Variants in CHP1 observed in about 807,000 individuals in gnomAD.
CHP1 encodes the protein calcineurin B homologous protein 1.
CHP1 carries 11 observed loss-of-function variants against 27.4 expected under a neutral mutation model. The ratio of observed to expected loss-of-function variants is 0.40; its 90% confidence interval spans 0.25 to 0.67. CHP1 has a LOEUF of 0.67. Among genes scored for constraint, CHP1 ranks in the 30% least tolerant of loss-of-function variants. The pLI, the probability that CHP1 is intolerant of heterozygous loss-of-function variation, is 0.38. For missense variants in CHP1, 169 were observed against 251.3 expected (o/e 0.67, Z 2.22); for synonymous variants, 89 against 87.4 (o/e 1.02, Z -0.10).
At chr15:41,274,825 C>T (rs2047511561) in intron 5 of CHP1, among the ~76,000 whole-genome samples, 1 of 140,128 alleles carries the variant, frequency 7.1e-6, no homozygotes, top group Non-Finnish European at 1.5e-5. Context: ...GAGTCTCGCT[C>T]TGTTGCCCAG....
intron 5 of CHP1, among the ~76,000 whole-genome samples, chr15:41,276,310 A>G (rs1041436574): frequency 1.3e-5 from 2 of 151,996 alleles, no homozygotes; most frequent in African/African-American, 4.8e-5. Context: ...AAGGAAGTCT[A>G]TGAGCCACTG....
intron 5 of CHP1, among the ~76,000 whole-genome samples, chr15:41,274,629 T>C (rs566993196): frequency 6.6e-6 from 1 of 151,936 alleles, no homozygotes; most frequent in Non-Finnish European, 1.5e-5. Flanking sequence ...TAGATACCCA[T>C]ACATAATCCA....
chr15:41,278,682 G>T (rs999748220), intron 5 of CHP1, 85 bp from the exon 6 acceptor site: 1 of 1,546,552 alleles, frequency 6.5e-7, no homozygotes, highest in African/African-American at 1.4e-5. Context: ...GGAAAAGGAG[G>T]ATGGTGATAG....
intron 2 of CHP1, among the ~76,000 whole-genome samples, chr15:41,246,761 T>G (rs951248766): frequency 6.8e-6 from 1 of 147,450 alleles, no homozygotes; most frequent in Non-Finnish European, 1.5e-5. Context: ...AAAAATTAGC[T>G]GGGCGTGGTG....
chr15:41,243,685 C>T lies in CHP1; in HGVS notation c.86C>T (p.Thr29Ile), dbSNP rs767213568. The change falls in exon 2 of 7, where the codon ACT becomes ATT. Residue 29 changes from threonine to isoleucine, a missense_variant. Thr to Ile is a moderately conservative substitution (Grantham distance 89). Coordinates refer to ENST00000334660, the MANE Select transcript of CHP1 (RefSeq NM_007236.5). ...KETGFSHSQI[T>I]RLYSRFTSLD... The stretch of plus-strand genomic sequence containing the variant: ...TCTTTAGTTTCCCACAGTCAAATCA[C>T]TCGCCTCTACAGCCGGTTCACCAGC... The T allele has an allele frequency of 6.2e-6, 10 of 1,613,984 alleles. No individual in the cohort carries two copies. The South Asian group carries it at 1.1e-4, about 18-fold the overall frequency.
chr15:41,259,801 G>A (rs576442625), intron 3 of CHP1, among the ~76,000 whole-genome samples: 15 of 152,240 alleles, frequency 9.9e-5, no homozygotes, highest in African/African-American at 3.6e-4. Flanking sequence ...CTCCCAGGCT[G>A]GCATGCAGTG....
chr15:41,264,342 T>G (rs538759451), intron 4 of CHP1: 58 of 474,960 alleles, frequency 1.2e-4, no homozygotes, highest in African/African-American at 1.1e-3. Flanking sequence ...ATTGGGGTTC[T>G]GCTAAGGAAA....
intron 6 of CHP1, 76 bp from the exon 7 acceptor site, chr15:41,279,260 A>G (rs2047534340): frequency 8.2e-7 from 1 of 1,215,622 alleles, no homozygotes; most frequent in Admixed American, 1.9e-5. Context: ...AAGGGGGGAA[A>G]ACATTACTCA....
Position 41,259,907 on chromosome 15 carries a change from C to T in CHP1, c.222-2849C>T, listed in dbSNP as rs527247010. Among the ~76,000 whole-genome samples, 6 of 152,328 alleles carry T rather than the reference C, an allele frequency of 3.9e-5. No homozygotes were observed. The East Asian group carries it at 1.2e-3, about 29-fold the overall frequency. Reference sequence around the variant, plus strand: ...TAGCTGGGACTACAGGCTCACGCCACCACGCCTGGCTAAGGTTTCACCACG... The same window carrying T: ...TAGCTGGGACTACAGGCTCACGCCATCACGCCTGGCTAAGGTTTCACCACG... On this transcript the variant is annotated intron_variant, in intron 3 of 6. Transcript: ENST00000334660.
At chr15:41,275,981 C>T (rs1448304686) in intron 5 of CHP1, among the ~76,000 whole-genome samples, 1 of 152,168 alleles carries the variant, frequency 6.6e-6, no homozygotes, top group African/African-American at 2.4e-5. Flanking sequence ...TGGCTCACGC[C>T]TGTAATCCCA....
At chr15:41,268,794 AAC>A (rs1360276998) in intron 4 of CHP1, among the ~76,000 whole-genome samples, 1 of 151,094 alleles carries the variant, frequency 6.6e-6, no homozygotes, top group African/African-American at 2.4e-5. Context: ...CTGTACTAAA[AAC>A]ACACACACAA....
At chr15:41,263,948 C>A (rs747719027) in intron 4 of CHP1, among the ~76,000 whole-genome samples, 7 of 152,126 alleles carry the variant, frequency 4.6e-5, no homozygotes, top group Non-Finnish European at 8.8e-5. Flanking sequence ...CTTAGGATAC[C>A]TTTAGCTGAC....
In CHP1 at chr15:41,281,271, T is replaced by G. The variant is rs998174426; in HGVS notation, c.*1882T>G. On this transcript the variant is annotated 3_prime_UTR_variant, in exon 7 of 7. Coordinates refer to ENST00000334660, the MANE Select transcript of CHP1 (RefSeq NM_007236.5). ...TTGTGTCATTAGCTGCCTGGTTACATTAGCTCCCTGGCTTCTTGTTTAGAC... is the reference window on the plus strand; with the variant it reads ...TTGTGTCATTAGCTGCCTGGTTACAGTAGCTCCCTGGCTTCTTGTTTAGAC... 1.3e-5 allele frequency: 2 copies of G among 152,410 alleles called. No individual in the cohort carries two copies. Among genetic ancestry groups the G allele is most frequent in the Non-Finnish European group, 2.9e-5 (2 of 68,058 alleles). 9.4% of individuals were successfully genotyped at this position (152,410 alleles called of 1,614,324 possible).
rs2047548831 is a variant in CHP1, at chr15:41,281,872, T to G, written c.*2483T>G. ...TATCTTCGATCCATCAATAAATACT[T>G]GTGGTTGAAACAAAATAACTTTTGT... On this transcript the variant is annotated 3_prime_UTR_variant, in exon 7 of 7. Coordinates refer to ENST00000334660, the MANE Select transcript of CHP1 (RefSeq NM_007236.5). The G allele has an allele frequency of 6.6e-6, 1 of 152,624 alleles. No homozygotes were observed. The highest frequency in any genetic ancestry group is 1.5e-5 in the Non-Finnish European group (1 of 68,052). 9.5% of individuals were successfully genotyped at this position (152,624 alleles called of 1,614,324 possible).
At chr15:41,243,639 G>T (rs377655359) in intron 1 of CHP1, 28 bp from the exon 2 acceptor site, 14 of 1,608,530 alleles carry the variant, frequency 8.7e-6, no homozygotes, top group Non-Finnish European at 1.2e-5. Context: ...TACTTCCCCC[G>T]AGCTGGGACT....
At chr15:41,247,296 G>A (rs1282043409) in intron 2 of CHP1, among the ~76,000 whole-genome samples, 1 of 151,888 alleles carries the variant, frequency 6.6e-6, no homozygotes, top group African/African-American at 2.4e-5. Flanking sequence ...TTGAACCCGG[G>A]AGGCGGAGGT....
rs541769660 is a variant in CHP1, at chr15:41,239,032, CAG to C, written c.68-4634_68-4633del. 4.1e-3 allele frequency among the ~76,000 whole-genome samples: 621 copies of C among 152,252 alleles called. 3 individuals are homozygous for C. The highest frequency in any genetic ancestry group is 4.7e-3 in the Non-Finnish European group (321 of 68,006). ...GATCTGCCTTCATTCACACCAGTTC[CAG>C]TACCTTTCTACACATGGATGGTGTA... On this transcript the variant is annotated intron_variant, in intron 1 of 6. Coordinates refer to ENST00000334660, the MANE Select transcript of CHP1 (RefSeq NM_007236.5).
chr15:41,251,862 C>T (rs547178149), intron 2 of CHP1, among the ~76,000 whole-genome samples: 5 of 147,200 alleles, frequency 3.4e-5, no homozygotes, highest in South Asian at 2.2e-4. Context: ...AGGCTGGTCT[C>T]GGACTCCTGG....
chr15:41,250,835 CTT>C (rs1188897531), intron 2 of CHP1, among the ~76,000 whole-genome samples: 11 of 143,768 alleles, frequency 7.7e-5, no homozygotes, highest in Admixed American at 1.4e-4. Flanking sequence ...TTCTTTCTTT[CTT>C]TTTTTTTTTT....
Sources: allele counts gnomAD v4.1 joint callset (sites outside exome capture counted in the v4.1 genomes callset), GRCh38; gene constraint gnomAD v4.1.1; transcripts MANE v1.5; gene names NCBI Gene and HGNC (gene_info 2026-07-23, HGNC 2026-07-21).